Variants in LYRM4 observed in about 807,000 individuals in gnomAD.
LYRM4 encodes the protein LYR motif-containing protein 4.
LYRM4 carries 9 observed loss-of-function variants against 11.7 expected under a neutral mutation model. The ratio of observed to expected loss-of-function variants is 0.77; its 90% CI spans 0.46 to 1.34. The LOEUF (loss-of-function observed/expected upper bound fraction) is 1.34. Ranked by LOEUF, LYRM4 falls within the 40% of genes most tolerant of loss-of-function variation. The pLI, the probability that LYRM4 is intolerant of heterozygous loss-of-function variation, is 0.00. For missense variants in LYRM4, 133 were observed against 112.5 expected (o/e 1.18, Z -0.82); for synonymous variants, 42 against 40.4 (o/e 1.04, Z -0.15).
At chr6:5,098,220 C>T in the LYRM4 span, among the ~76,000 whole-genome samples, 2 of 152,216 alleles carry the variant, frequency 1.3e-5, no homozygotes, top group Non-Finnish European at 2.9e-5. Flanking sequence ...CAGCTCCACA[C>T]ATGTAAGGAA....
At chr6:5,189,567 G>T (rs1011146942) in intron 2 of LYRM4, among the ~76,000 whole-genome samples, 6 of 152,166 alleles carry the variant, frequency 3.9e-5, no homozygotes, top group African/African-American at 7.2e-5. Flanking sequence ...TCGGGTGACT[G>T]AAATTCCAGC....
chr6:5,073,602 GTATAA>G, the LYRM4 span, among the ~76,000 whole-genome samples: 1 of 147,498 alleles, frequency 6.8e-6, no homozygotes, highest in Non-Finnish European at 1.5e-5. Flanking sequence ...TATATAGTCT[GTATAA>G]TATATAATCC....
At chr6:5,169,516 A>T (rs963869105) in intron 2 of LYRM4, among the ~76,000 whole-genome samples, 10 of 152,336 alleles carry the variant, frequency 6.6e-5, no homozygotes, top group Middle Eastern at 3.4e-3. Flanking sequence ...AAATGCAGTG[A>T]GCATGGGTTC....
At chr6:5,093,742 C>T in the LYRM4 span, among the ~76,000 whole-genome samples, 1 of 152,238 alleles carries the variant, frequency 6.6e-6, no homozygotes, top group East Asian at 1.9e-4. Flanking sequence ...TTAACCATTA[C>T]GTGCTGGCAG....
At chr6:5,087,649 C>T in the LYRM4 span, 2 of 152,340 alleles carry the variant, frequency 1.3e-5, no homozygotes, top group Admixed American at 1.3e-4. Context: ...TTCTGTTCCT[C>T]TCAGAGCCAC....
intron 1 of LYRM4, among the ~76,000 whole-genome samples, chr6:5,224,777 T>C (rs548686471): frequency 2.6e-5 from 4 of 151,620 alleles, no homozygotes; most frequent in East Asian, 1.9e-4. Flanking sequence ...CTGACCAACA[T>C]GGTGAAACCC....
downstream of LYRM4, chr6:5,102,543 A>AT (rs1296023206): frequency 6.6e-6 from 1 of 152,264 alleles, no homozygotes; most frequent in Non-Finnish European, 1.5e-5. Flanking sequence ...AACAAAGGAA[A>AT]TAAAGTACCT....
chr6:5,075,590 A>C, the LYRM4 span, among the ~76,000 whole-genome samples: 722 of 152,362 alleles, frequency 4.7e-3, 3 homozygotes, highest in Non-Finnish European at 6.2e-3. Flanking sequence ...ATGGACAAGA[A>C]GACATTATAA....
chr6:5,260,878 G>A lies in LYRM4; in HGVS notation c.-145C>T, dbSNP rs2127792477. On this transcript the variant is annotated 5_prime_UTR_variant, in exon 1 of 3. Coordinates refer to ENST00000330636, the MANE Select transcript of LYRM4 (RefSeq NM_020408.6). The stretch of plus-strand genomic sequence containing the variant: ...GCCAGCGGGCCGGGCCTAAGCCTAA[G>A]CGGGCAGCCCTGCGGATCGCGGACG... 1 of 1,442,898 alleles carries A rather than the reference G, an allele frequency of 6.9e-7. No homozygotes were observed. Among genetic ancestry groups the A allele is most frequent in the East Asian group, 2.6e-5 (1 of 38,598 alleles). The allele number at this position is 1,442,898 out of a possible 1,614,324, so 89.4% of individuals were successfully genotyped here. A position where few individuals can be genotyped will look rare whatever the true frequency, so the allele number is the denominator to read the frequency against.
chr6:5,066,353 T>C, the LYRM4 span: 1 of 725,940 alleles, frequency 1.4e-6, no homozygotes, highest in African/African-American at 1.8e-5. Flanking sequence ...CAGGAATACG[T>C]CATATGCAGG....
the LYRM4 span, among the ~76,000 whole-genome samples, chr6:5,053,437 G>C: frequency 1.3e-5 from 2 of 152,084 alleles, no homozygotes; most frequent in African/African-American, 4.8e-5. Context: ...GAAGCAGAGG[G>C]AGGAACATGG....
the LYRM4 span, among the ~76,000 whole-genome samples, chr6:5,072,270 A>T: frequency 1.3e-5 from 2 of 152,160 alleles, no homozygotes; most frequent in African/African-American, 4.8e-5. Flanking sequence ...TATTGTGATT[A>T]GTGTTGCAAT....
At chr6:5,078,293 G>A in the LYRM4 span, among the ~76,000 whole-genome samples, 1 of 151,290 alleles carries the variant, frequency 6.6e-6, no homozygotes, top group Admixed American at 6.6e-5. Flanking sequence ...GAATTCCAGA[G>A]AGGGCTGCAA....
At chr6:5,251,016 T>C (rs1764405191) in intron 1 of LYRM4, among the ~76,000 whole-genome samples, 1 of 152,226 alleles carries the variant, frequency 6.6e-6, no homozygotes, top group Non-Finnish European at 1.5e-5. Context: ...AAATCTCCAC[T>C]GTTCGGGCAC....
intron 1 of LYRM4, among the ~76,000 whole-genome samples, chr6:5,229,861 T>C (rs1438425166): frequency 6.6e-6 from 1 of 152,210 alleles, no homozygotes; most frequent in Admixed American, 6.5e-5. Flanking sequence ...TTTCAGTCTC[T>C]AGAGGAAAAG....
chr6:5,176,066 A>AG (rs140512571), intron 2 of LYRM4, among the ~76,000 whole-genome samples: 54,765 of 147,094 alleles, frequency 0.37, 11,192 homozygotes, highest in East Asian at 0.59. Context: ...TTACGCTATT[A>AG]ATTTTTTTTT....
chr6:5,053,086 T>C, the LYRM4 span, among the ~76,000 whole-genome samples: 4 of 152,188 alleles, frequency 2.6e-5, no homozygotes, highest in Admixed American at 2.6e-4. Flanking sequence ...ATGTAGTACT[T>C]GTTGTTTTGG....
At chr6:5,203,892 T>C (rs1264140904) in intron 2 of LYRM4, among the ~76,000 whole-genome samples, 4 of 152,230 alleles carry the variant, frequency 2.6e-5, no homozygotes, top group African/African-American at 9.6e-5. Context: ...GGATTTGTTT[T>C]AGCACTTGAG....
chr6:5,125,523 G>A (rs1156489020), intron 2 of LYRM4, among the ~76,000 whole-genome samples: 1 of 152,196 alleles, frequency 6.6e-6, no homozygotes, highest in Admixed American at 6.5e-5. Flanking sequence ...AATTCCAAGA[G>A]AAGGAGTCAC....
Sources: allele counts gnomAD v4.1 joint callset (sites outside exome capture counted in the v4.1 genomes callset), GRCh38; gene constraint gnomAD v4.1.1; transcripts MANE v1.5; gene names NCBI Gene and HGNC (gene_info 2026-07-23, HGNC 2026-07-21).